Variants in ZBBX observed in about 807,000 individuals in gnomAD.
ZBBX encodes zinc finger B-box domain containing.
A neutral mutation model predicts 108.5 loss-of-function variants in ZBBX; 101 were observed. The observed-to-expected ratio is 0.93, with a 90% CI of 0.79 to 1.10. The LOEUF (loss-of-function observed/expected upper bound fraction) is 1.10, where lower values mean the gene tolerates loss of function less well. ZBBX is among the 50% of genes least tolerant of loss of function. The probability of loss-of-function intolerance (pLI) is 0.00; values close to 1 mark genes in which losing one functional copy is unlikely to be tolerated. For synonymous variants in ZBBX, 356 were observed against 323.4 expected (o/e 1.10, Z -1.08); for missense variants, 1,009 against 941.4 (o/e 1.07, Z -0.94).
intron 20 of ZBBX, among the ~76,000 whole-genome samples, chr3:167,279,628 C>T (rs943905715): frequency 1.3e-5 from 2 of 151,914 alleles, no homozygotes; most frequent in Non-Finnish European, 2.9e-5. Flanking sequence ...ACTTTCCATG[C>T]TCATGGGTAG....
the ZBBX span, among the ~76,000 whole-genome samples, chr3:167,201,720 G>A: frequency 6.6e-6 from 1 of 152,080 alleles, no homozygotes; most frequent in African/African-American, 2.4e-5. Flanking sequence ...GATGCAGATT[G>A]CTGCTTGTTG....
chr3:167,223,927 A>T, the ZBBX span, among the ~76,000 whole-genome samples: 1 of 151,902 alleles, frequency 6.6e-6, no homozygotes, highest in Non-Finnish European at 1.5e-5. Context: ...TTTCTTTTTT[A>T]AATGTTAAAA....
Position 167,240,027 on chromosome 3 carries a change from C to T in ZBBX, c.*766G>A, listed in dbSNP as rs78918484. 3.6e-4 allele frequency among the ~76,000 whole-genome samples: 55 copies of T among 152,148 alleles called. No homozygotes were observed. Among genetic ancestry groups the T allele is most frequent in the African/African-American group, 1.2e-4 (5 of 41,524 alleles). ...CAGATCACATGAGAACTCATTATCA[C>T]GAGAACAGCAGCATAGGGGTAACTG... On this transcript the variant is annotated 3_prime_UTR_variant, in exon 22 of 22. Coordinates refer to ENST00000675490, the MANE Select transcript of ZBBX (RefSeq NM_001199201.2).
intron 14 of ZBBX, among the ~76,000 whole-genome samples, chr3:167,316,526 G>A (rs1735489315): frequency 1.7e-5 from 1 of 58,524 alleles, no homozygotes; most frequent in South Asian, 5.5e-4. Context: ...TTCTACATAT[G>A]TTCAAGTTAT....
chr3:167,302,128 G>A (rs900073647), intron 17 of ZBBX, among the ~76,000 whole-genome samples: 4 of 151,916 alleles, frequency 2.6e-5, no homozygotes, highest in Non-Finnish European at 4.4e-5. Context: ...GTAATGTGTT[G>A]TAACATGTAT....
the ZBBX span, among the ~76,000 whole-genome samples, chr3:167,196,023 A>G: frequency 3.0e-4 from 45 of 152,338 alleles, 1 homozygote; most frequent in African/African-American, 1.1e-3. Flanking sequence ...TTCTCATCCC[A>G]TTAATTGTTA....
intron 12 of ZBBX, among the ~76,000 whole-genome samples, chr3:167,321,348 T>C (rs1736414350): frequency 6.6e-6 from 1 of 152,006 alleles, no homozygotes; most frequent in Non-Finnish European, 1.5e-5. Flanking sequence ...TGTATGGGCT[T>C]AATAGGTAGA....
chr3:167,301,286 A>T (rs1384130112), intron 17 of ZBBX, among the ~76,000 whole-genome samples: 1 of 152,210 alleles, frequency 6.6e-6, no homozygotes, highest in East Asian at 1.9e-4. Context: ...ACAGACTCTG[A>T]TCAGTTGAGA....
chr3:167,222,767 T>TG, the ZBBX span, among the ~76,000 whole-genome samples: 1 of 151,856 alleles, frequency 6.6e-6, no homozygotes, highest in Non-Finnish European at 1.5e-5. Flanking sequence ...AGAAAAGGAA[T>TG]GATAGACACC....
At chr3:167,291,341 A>G (rs184681937) in intron 18 of ZBBX, among the ~76,000 whole-genome samples, 1 of 152,232 alleles carries the variant, frequency 6.6e-6, no homozygotes, top group African/African-American at 2.4e-5. Context: ...GAGGCCCATC[A>G]GACTAACAGC....
chr3:167,226,999 A>G, the ZBBX span, among the ~76,000 whole-genome samples: 9 of 151,810 alleles, frequency 5.9e-5, no homozygotes, highest in South Asian at 1.7e-3. Context: ...TATGAGTTGT[A>G]TCTATCCACA....
the ZBBX span, among the ~76,000 whole-genome samples, chr3:167,184,508 T>C: frequency 6.6e-6 from 1 of 152,116 alleles, no homozygotes; most frequent in African/African-American, 2.4e-5. Flanking sequence ...CCCTGGTATC[T>C]ACCCAAGTGA....
At chr3:167,322,588 T>C (rs1736632524) in intron 11 of ZBBX, among the ~76,000 whole-genome samples, 1 of 152,088 alleles carries the variant, frequency 6.6e-6, no homozygotes, top group Non-Finnish European at 1.5e-5. Flanking sequence ...TAAAGTGTTA[T>C]AGCCACTGAC....
intron 1 of ZBBX, among the ~76,000 whole-genome samples, chr3:167,389,614 A>C (rs1191410041): frequency 6.6e-6 from 1 of 152,134 alleles, no homozygotes; most frequent in Non-Finnish European, 1.5e-5. Context: ...AAGTGTTCCT[A>C]TGTCTCCAAA....
At chr3:167,326,043 T>C (rs1416378225) in intron 11 of ZBBX, among the ~76,000 whole-genome samples, 2 of 152,310 alleles carry the variant, frequency 1.3e-5, no homozygotes, top group Admixed American at 6.5e-5. Flanking sequence ...GCAACATTTC[T>C]ATATTTAGAA....
chr3:167,374,569 T>A (rs1230052436), intron 2 of ZBBX, among the ~76,000 whole-genome samples: 1 of 152,174 alleles, frequency 6.6e-6, no homozygotes, highest in Non-Finnish European at 1.5e-5. Flanking sequence ...TTCCTATGTG[T>A]GTGCTCATAA....
chr3:167,245,068 C>T (rs934958612), intron 20 of ZBBX, among the ~76,000 whole-genome samples: 1 of 152,138 alleles, frequency 6.6e-6, no homozygotes, highest in Non-Finnish European at 1.5e-5. Flanking sequence ...GGAACAACAA[C>T]AACAACTCTA....
At chr3:167,282,945 T>G (rs1729067627) in intron 19 of ZBBX, among the ~76,000 whole-genome samples, 1 of 152,216 alleles carries the variant, frequency 6.6e-6, no homozygotes, top group African/African-American at 2.4e-5. Context: ...CCAATTTTAC[T>G]TGATGATATG....
At chr3:167,272,780 C>A (rs941125704) in intron 20 of ZBBX, among the ~76,000 whole-genome samples, 2 of 152,190 alleles carry the variant, frequency 1.3e-5, no homozygotes, top group African/African-American at 4.8e-5. Flanking sequence ...TACCAAGACT[C>A]TTGTTCCTTA....
Sources: allele counts gnomAD v4.1 joint callset (sites outside exome capture counted in the v4.1 genomes callset), GRCh38; gene constraint gnomAD v4.1.1; transcripts MANE v1.5; gene names NCBI Gene and HGNC (gene_info 2026-07-23, HGNC 2026-07-21).